The following NCOA1 variants were observed in gnomAD, a reference collection of about 807,000 sequenced individuals.
NCOA1 encodes nuclear receptor coactivator 1.
A neutral mutation model predicts 150.9 loss-of-function variants in NCOA1; 35 were observed. The observed-to-expected ratio is 0.23, with a 90% confidence interval of 0.18 to 0.31. NCOA1 has a LOEUF of 0.31. Among genes scored for constraint, NCOA1 ranks in the 10% least tolerant of loss-of-function variants. NCOA1 has a pLI of 1.00. For missense variants in NCOA1, 1,491 were observed against 1,749.3 expected, an observed-to-expected ratio of 0.85 and a Z score of 2.63; for synonymous variants, 590 against 630.0, an observed-to-expected ratio of 0.94 and a Z score of 0.95.
At chr2:24,645,053 CA>C in intron 4 of NCOA1, among the ~76,000 whole-genome samples, 1 of 152,156 alleles carries the variant, frequency 6.6e-6, no homozygotes, top group Non-Finnish European at 1.5e-5. Context: ...AGTTGGCCAA[CA>C]ATGCCTGTGT....
intron 1 of NCOA1, among the ~76,000 whole-genome samples, chr2:24,550,484 C>T (rs1479773086): frequency 6.6e-6 from 1 of 152,204 alleles, no homozygotes; most frequent in East Asian, 1.9e-4. Flanking sequence ...TGCTGGGAAA[C>T]TCCCCCTTAT....
intron 1 of NCOA1, among the ~76,000 whole-genome samples, chr2:24,534,895 G>C (rs7585352): frequency 0.81 from 122,282 of 151,502 alleles, 51,200 homozygotes; most frequent in East Asian, 0.99. Flanking sequence ...AGAATAAGTG[G>C]GATGTGGTAC....
Position 24,707,558 on chromosome 2 carries a change from G to T in NCOA1, c.2088G>T (p.Glu696Asp), listed in dbSNP as rs773652288. ...AAATTCTACACCGGCTCTTACAGGAGGGTAGCCCCTCAGATATCACCACTT... is the reference window on the plus strand; with the variant it reads ...AAATTCTACACCGGCTCTTACAGGATGGTAGCCCCTCAGATATCACCACTT... ...RHKILHRLLQ[E>D]GSPSDITTLS... The change falls in exon 13 of 23, where the codon GAG (glutamate) becomes GAT (aspartate). Residue 696 changes from glutamate (E) to aspartate (D), a missense_variant. Coordinates refer to ENST00000348332, the MANE Select transcript of NCOA1 (RefSeq NM_003743.5). The T allele has an allele frequency of 6.2e-7, 1 of 1,614,158 alleles. No individual in the cohort carries two copies. The highest frequency in any genetic ancestry group is 8.5e-7 in the Non-Finnish European group (1 of 1,180,020).
At chr2:24,640,306 C>T (rs953292910) in intron 3 of NCOA1, among the ~76,000 whole-genome samples, 1 of 152,044 alleles carries the variant, frequency 6.6e-6, no homozygotes, top group African/African-American at 2.4e-5. Flanking sequence ...GTTGGATGTA[C>T]TGTTCTACGA....
intron 7 of NCOA1, among the ~76,000 whole-genome samples, chr2:24,674,149 G>A (rs910666928): frequency 1.4e-5 from 2 of 147,018 alleles, no homozygotes; most frequent in African/African-American, 4.9e-5. Flanking sequence ...GTGTGTGTGT[G>A]TGTATATATT....
At chr2:24,518,156 T>C (rs1664281052) in intron 1 of NCOA1, among the ~76,000 whole-genome samples, 1 of 152,190 alleles carries the variant, frequency 6.6e-6, no homozygotes, top group Non-Finnish European at 1.5e-5. Flanking sequence ...GGGGTTACCT[T>C]GGGAATGCAA....
At chr2:24,713,043 A>T (rs1263237580) in intron 14 of NCOA1, among the ~76,000 whole-genome samples, 4 of 152,082 alleles carry the variant, frequency 2.6e-5, no homozygotes, top group Non-Finnish European at 5.9e-5. Context: ...AGCTTGATCA[A>T]CATGGTGAAA....
intron 21 of NCOA1, among the ~76,000 whole-genome samples, chr2:24,762,223 G>T (rs962297161): frequency 6.6e-6 from 1 of 152,226 alleles, no homozygotes; most frequent in Non-Finnish European, 1.5e-5. Context: ...TTTGTCTAAT[G>T]TCTTCAGTGC....
chr2:24,628,419 C>T (rs1409880119), intron 3 of NCOA1, among the ~76,000 whole-genome samples: 1 of 151,920 alleles, frequency 6.6e-6, no homozygotes, highest in Non-Finnish European at 1.5e-5. Flanking sequence ...AGAGCTTATT[C>T]TCTTTGAGCT....
At chr2:24,725,964 A>G (rs1674596685) in intron 14 of NCOA1, among the ~76,000 whole-genome samples, 1 of 152,166 alleles carries the variant, frequency 6.6e-6, no homozygotes, top group East Asian at 1.9e-4. Flanking sequence ...ATGATCATAA[A>G]GCTTTCCAAA....
At chr2:24,715,038 C>T (rs1418245944) in intron 14 of NCOA1, among the ~76,000 whole-genome samples, 3 of 151,838 alleles carry the variant, frequency 2.0e-5, no homozygotes, top group Non-Finnish European at 4.4e-5. Flanking sequence ...ATAAGATGAA[C>T]AAAGATAAGA....
At chr2:24,728,244 T>C (rs1662798898) in intron 15 of NCOA1, 64 bp from the exon 16 acceptor site, 5 of 1,448,698 alleles carry the variant, frequency 3.5e-6, no homozygotes, top group Middle Eastern at 4.3e-4. Context: ...TATATATGTA[T>C]ATAAAGATTG....
intron 1 of NCOA1, among the ~76,000 whole-genome samples, chr2:24,494,080 C>T (rs766343119): frequency 1.3e-5 from 2 of 152,166 alleles, no homozygotes; most frequent in Non-Finnish European, 2.9e-5. Context: ...ATGGAATGTT[C>T]TGTGCATGTC....
At chr2:24,516,995 C>CGTGTATAT (rs1664222942) in intron 1 of NCOA1, among the ~76,000 whole-genome samples, 1 of 21,050 alleles carries the variant, frequency 4.8e-5, no homozygotes, top group African/African-American at 7.8e-5. Context: ...TATATATATA[C>CGTGTATAT]ACACGCGCGC....
chr2:24,536,145 G>T (rs1157953510), intron 1 of NCOA1, among the ~76,000 whole-genome samples: 1 of 151,984 alleles, frequency 6.6e-6, no homozygotes, highest in African/African-American at 2.4e-5. Context: ...GGCTCTGTTT[G>T]TTTATTTTTA....
intron 4 of NCOA1, among the ~76,000 whole-genome samples, chr2:24,655,262 T>TTGC (rs1478853055): frequency 6.6e-6 from 1 of 152,210 alleles, no homozygotes; most frequent in Non-Finnish European, 1.5e-5. Flanking sequence ...ATATTTACCT[T>TTGC]TGCTGAGTAC....
At chr2:24,661,795 GTGATGAA>G (rs1671196443) in intron 5 of NCOA1, among the ~76,000 whole-genome samples, 1 of 152,134 alleles carries the variant, frequency 6.6e-6, no homozygotes, top group Admixed American at 6.5e-5. Context: ...GCCTTGATAT[GTGATGAA>G]ACAAGACGTT....
chr2:24,540,535 T>C (rs972138186), intron 1 of NCOA1, among the ~76,000 whole-genome samples: 2 of 151,732 alleles, frequency 1.3e-5, no homozygotes, highest in African/African-American at 4.8e-5. Context: ...CTTGGCTCAC[T>C]GCAACCTCTG....
At chr2:24,509,890 A>C (rs1279552317) in intron 1 of NCOA1, among the ~76,000 whole-genome samples, 1 of 152,248 alleles carries the variant, frequency 6.6e-6, no homozygotes, top group African/African-American at 2.4e-5. Context: ...TATAATGTAT[A>C]TTAAAATTAT....
Sources: allele counts gnomAD v4.1 joint callset (sites outside exome capture counted in the v4.1 genomes callset), GRCh38; gene constraint gnomAD v4.1.1; transcripts MANE v1.5; gene names NCBI Gene and HGNC (gene_info 2026-07-23, HGNC 2026-07-21).